SHROOM2: variants seen among roughly 807,000 people sequenced by gnomAD.
SHROOM2 encodes protein Shroom2.
A neutral mutation model predicts 75.9 loss-of-function variants in SHROOM2; 33 were observed. The ratio of observed to expected loss-of-function variants is 0.43; its 90% confidence interval spans 0.33 to 0.58. The LOEUF (loss-of-function observed/expected upper bound fraction) is 0.58, where lower values mean the gene tolerates loss of function less well. Ranked by LOEUF, SHROOM2 falls within the 20% of genes least tolerant of loss-of-function variation. SHROOM2 has a pLI of 0.04. For missense variants in SHROOM2, 1,434 were observed against 1,461.2 expected (o/e 0.98, Z 0.30); for synonymous variants, 655 against 663.6 (o/e 0.99, Z 0.20).
chrX:9,916,211 G>A (rs1017151574), intron 5 of SHROOM2, among the ~76,000 whole-genome samples: 2 of 112,238 alleles, frequency 1.8e-5, no homozygotes, highest in Non-Finnish European at 3.8e-5. Context: ...CAGAGTCTCC[G>A]CTGTGGAACA....
chrX:9,903,049 C>T (rs1271070758), intron 5 of SHROOM2, among the ~76,000 whole-genome samples: 1 of 112,260 alleles, frequency 8.9e-6, no homozygotes, highest in African/African-American at 3.2e-5. Flanking sequence ...TATGTATAAA[C>T]AAGCTAAATG....
chrX:9,867,974 G>A (rs1251667200), intron 1 of SHROOM2, among the ~76,000 whole-genome samples: 1 of 110,440 alleles, frequency 9.1e-6, no homozygotes, highest in Non-Finnish European at 1.9e-5. Context: ...CCCTTTCTGA[G>A]AGTCCTTCAG....
intron 6 of SHROOM2, 131 bp downstream of exon 6, chrX:9,933,001 G>A: frequency 2.0e-6 from 1 of 508,930 alleles, no homozygotes; most frequent in Non-Finnish European, 3.1e-6. Context: ...AGTCAGTACT[G>A]GGGAATAACT....
In SHROOM2 at chrX:9,937,140, G is replaced by A. The variant is rs1420635344; in HGVS notation, c.3594G>A (p.Glu1198=). Reference sequence around the variant, plus strand: ...CAGACTGTTCATCTTCCAGAATTGAGCGGGTGATGGACAACAACACCACGG... The same window carrying A: ...CAGACTGTTCATCTTCCAGAATTGAACGGGTGATGGACAACAACACCACGG... The part of the protein sequence containing the change: ...LIQDEDSTRI[E]RVMDNNTTVK... The change falls in exon 7 of 10, where the codon GAG becomes GAA. Residue 1198 remains glutamate (E), a synonymous_variant. Coordinates refer to ENST00000380913, the MANE Select transcript of SHROOM2 (RefSeq NM_001649.4). 3.4e-6 allele frequency: 4 copies of A among 1,188,968 alleles called. No individual in the cohort carries two copies. The African/African-American group carries it at 5.3e-5, about 16-fold the overall frequency.
intron 5 of SHROOM2, among the ~76,000 whole-genome samples, chrX:9,902,580 C>G (rs776898587): frequency 1.3e-4 from 15 of 112,360 alleles, no homozygotes; most frequent in Non-Finnish European, 2.8e-4. Context: ...TTTATTTATC[C>G]TTCTGCACTA....
At position 9,946,718 on chromosome X, in the gene SHROOM2, C is replaced by T. The variant is rs200352588; in HGVS notation, c.4632C>T (p.Asp1544=). The change falls in exon 10 of 10, where the codon GAC becomes GAT. Residue 1544 remains aspartate, a synonymous_variant. Transcript: ENST00000380913. Reference sequence around the variant, plus strand: ...GAGTCCTGATCCAGCAGCACGAGGACGCCAAGGAGCTCAAGGAGAACCTGG... The same window carrying T: ...GAGTCCTGATCCAGCAGCACGAGGATGCCAAGGAGCTCAAGGAGAACCTGG... ...KQRVLIQQHE[D]AKELKENLDR... 26 of 1,205,169 alleles carry T rather than the reference C, an allele frequency of 2.2e-5. No individual in the cohort carries two copies. Among genetic ancestry groups the T allele is most frequent in the Middle Eastern group, 2.3e-4 (1 of 4,346 alleles).
At chrX:9,792,494 A>G (rs1423912622) in intron 1 of SHROOM2, among the ~76,000 whole-genome samples, 1 of 99,257 alleles carries the variant, frequency 1.0e-5, no homozygotes, top group East Asian at 3.1e-4. Context: ...TTAAATCCCC[A>G]GCGTATTAAG....
At chrX:9,908,147 A>G (rs2084401676) in intron 5 of SHROOM2, among the ~76,000 whole-genome samples, 2 of 112,743 alleles carry the variant, frequency 1.8e-5, no homozygotes, top group Non-Finnish European at 3.7e-5. Context: ...GCTTTGTCCA[A>G]GTAGAGGGGG....
chrX:9,840,916 C>T (rs1342094064), intron 1 of SHROOM2, among the ~76,000 whole-genome samples: 2 of 112,191 alleles, frequency 1.8e-5, no homozygotes, highest in African/African-American at 6.5e-5. Context: ...GAAAACTTTT[C>T]CCATTACGGT....
intron 1 of SHROOM2, among the ~76,000 whole-genome samples, chrX:9,801,002 A>C (rs2083721190): frequency 9.0e-6 from 1 of 111,144 alleles, no homozygotes; most frequent in Non-Finnish European, 1.9e-5. Context: ...GTCTGTTCTC[A>C]CGCTGCCAGA....
chrX:9,875,110 A>AAAAAAAAAAAAAAAAAAAAAG (rs2084192753), intron 2 of SHROOM2, among the ~76,000 whole-genome samples: 1 of 93,114 alleles, frequency 1.1e-5, no homozygotes, highest in African/African-American at 4.1e-5. Context: ...AAAAAAAAAA[A>AAAAAAAAAAAAAAAAAAAAAG]GGGGAGGAAG....
rs138127090 is a variant in SHROOM2, at chrX:9,791,499, A to G, written c.165+4789A>G. Among the ~76,000 whole-genome samples, 917 of 112,338 alleles carry G rather than the reference A, an allele frequency of 8.2e-3. 5 individuals carry two copies. Among genetic ancestry groups the G allele is most frequent in the Middle Eastern group, 0.014 (3 of 219 alleles). ...AAACATTCTACACGATAATGTTAGA[A>G]TGTAAAAGCTGAATGGACTTTTTAT... is the stretch of plus-strand genomic sequence containing the variant. On this transcript the variant is annotated intron_variant, in intron 1 of 9. Transcript: ENST00000380913.
Position 9,894,723 on chromosome X carries a change from TC to T in SHROOM2, c.819del (p.Gly274ValfsTer187). ...EEKLSCFPPR[V>X]PGDSGKGPRP... is the part of the protein sequence containing the mutation. ...AAGCTCAGTTGTTTCCCGCCCAGGG[TC>T]CCCGGTGACAGCGGCAAAGGCCCCA... is the stretch of plus-strand genomic sequence containing the variant. On this transcript the variant is annotated frameshift_variant, in exon 4 of 10. Coordinates refer to ENST00000380913, the MANE Select transcript of SHROOM2 (RefSeq NM_001649.4). LOFTEE classifies it high-confidence loss of function. The T allele has an allele frequency of 8.3e-7, 1 of 1,210,017 alleles. No individual in the cohort carries two copies. Among genetic ancestry groups the T allele is most frequent in the Admixed American group, 2.2e-5 (1 of 45,974 alleles).
At chrX:9,792,219 G>C (rs2083669599) in intron 1 of SHROOM2, among the ~76,000 whole-genome samples, 1 of 110,762 alleles carries the variant, frequency 9.0e-6, no homozygotes, top group Non-Finnish European at 1.9e-5. Context: ...CCTTTACCTT[G>C]TGTGATGCAG....
At chrX:9,859,563 G>C (rs1209369378) in intron 1 of SHROOM2, among the ~76,000 whole-genome samples, 1 of 111,573 alleles carries the variant, frequency 9.0e-6, no homozygotes, top group Non-Finnish European at 1.9e-5. Flanking sequence ...TGGGGTTCAA[G>C]ATGGCGTCCT....
intron 6 of SHROOM2, among the ~76,000 whole-genome samples, chrX:9,934,925 AC>A (rs2084686011): frequency 9.0e-6 from 1 of 110,844 alleles, no homozygotes; most frequent in Admixed American, 9.7e-5. Flanking sequence ...GGCACCTGCC[AC>A]CACACCAGGC....
In SHROOM2 at chrX:9,896,209, G is replaced by T; in HGVS notation, c.2301G>T (p.Glu767Asp). 1 of 1,211,530 alleles carries T rather than the reference G, an allele frequency of 8.3e-7. No homozygotes were observed. The highest frequency in any genetic ancestry group is 1.8e-5 in the South Asian group (1 of 56,923). The change falls in exon 4 of 10, where the codon GAG (glutamate) becomes GAT (aspartate). Residue 767 changes from glutamate to aspartate, a missense_variant. Glu to Asp is a conservative substitution (Grantham distance 45). This residue lies in a region of SHROOM2 where 1,340 missense variants were observed against 1,338.3 expected (regional missense o/e 1.00). Coordinates refer to ENST00000380913, the MANE Select transcript of SHROOM2 (RefSeq NM_001649.4). ...EQKLKSYSEP[E>D]KMNEVGLTRG... is the part of the protein sequence containing the mutation. ...AATTGAAGTCCTACTCGGAACCTGA[G>T]AAGATGAACGAGGTGGGCCTCACGA...
At chrX:9,945,998 C>A (rs748273099) in intron 9 of SHROOM2, among the ~76,000 whole-genome samples, 197 of 112,925 alleles carry the variant, frequency 1.7e-3, no homozygotes, top group African/African-American at 5.8e-3. Flanking sequence ...CCACGCAGAA[C>A]GCTGTCCTGG....
At chrX:9,864,476 G>A (rs190133474) in intron 1 of SHROOM2, among the ~76,000 whole-genome samples, 1 of 111,547 alleles carries the variant, frequency 9.0e-6, no homozygotes, top group Admixed American at 9.5e-5. Context: ...GAGGCCTGGA[G>A]ATTGAGACCA....
Sources: gnomAD v4.1 joint callset for allele counts (sites outside exome capture counted in the v4.1 genomes callset) on GRCh38, gnomAD v4.1.1 for gene constraint, gnomAD v4.1.1 regional missense constraint, MANE v1.5 for transcripts, NCBI Gene and HGNC (gene_info 2026-07-23, HGNC 2026-07-21) for gene names.